Variants in LUZP1 observed in about 807,000 individuals in gnomAD.
The protein encoded by LUZP1 is leucine zipper protein 1.
In LUZP1, 25 loss-of-function variants were observed where a neutral mutation model predicts 71.3. The observed-to-expected ratio is 0.35, with a 90% confidence interval of 0.26 to 0.49. The LOEUF is 0.49. Ranked by LOEUF, LUZP1 falls within the 20% of genes least tolerant of loss-of-function variation. The pLI is 0.99. For synonymous variants in LUZP1, 481 were observed against 506.4 expected, an observed-to-expected ratio of 0.95 and a Z score of 0.67; for missense variants, 1,142 against 1,300.8, an observed-to-expected ratio of 0.88 and a Z score of 1.88.
At chr1:23,175,643 C>G (rs991307458) in intron 1 of LUZP1, among the ~76,000 whole-genome samples, 2 of 152,216 alleles carry the variant, frequency 1.3e-5, no homozygotes, top group Non-Finnish European at 2.9e-5. Context: ...CATTCCTTTA[C>G]ATTTTTATGC....
chr1:23,108,326 C>T (rs67056484), intron 3 of LUZP1, among the ~76,000 whole-genome samples: 25,887 of 152,156 alleles, frequency 0.17, 2,283 homozygotes, highest in East Asian at 0.26. Flanking sequence ...ATGAAAATAA[C>T]CCACTAGGGT....
At chr1:23,145,594 T>C (rs1193147837) in intron 2 of LUZP1, among the ~76,000 whole-genome samples, 9 of 151,738 alleles carry the variant, frequency 5.9e-5, no homozygotes, top group Admixed American at 4.6e-4. Context: ...CTCAGCCTCC[T>C]GAGTAGGTGG....
chr1:23,088,766 G>A, exon 5 of LUZP1: 1 of 1,334,234 alleles, frequency 7.5e-7, no homozygotes. Flanking sequence ...CCACAGCCCG[G>A]CTCTACCACA....
chr1:23,170,049 A>T (rs1225291771), intron 1 of LUZP1, among the ~76,000 whole-genome samples: 1 of 151,666 alleles, frequency 6.6e-6, no homozygotes, highest in Non-Finnish European at 1.5e-5. Flanking sequence ...CCCACATTTG[A>T]CCCTTTGCTG....
intron 3 of LUZP1, among the ~76,000 whole-genome samples, chr1:23,096,065 A>G (rs1330349439): frequency 1.3e-5 from 2 of 152,036 alleles, no homozygotes. Flanking sequence ...CAAAGTTACT[A>G]AGATTATTGG....
chr1:23,091,824 G>C (rs757339763), exon 4 of LUZP1: 50 of 1,613,922 alleles, frequency 3.1e-5, no homozygotes, highest in Non-Finnish European at 4.1e-5. Flanking sequence ...CTCCCTCAGG[G>C]CCTCACCCGG....
At position 23,096,090 on chromosome 1, in the gene LUZP1, A is replaced by G. The variant is rs554118821; in HGVS notation, c.-119-1710T>C. Among the ~76,000 whole-genome samples the G allele has an allele frequency of 4.0e-5, 6 of 151,892 alleles. No homozygotes were observed. In the South Asian group the frequency reaches 1.0e-3, roughly 26 times the overall value. On this transcript the variant is annotated intron_variant, in intron 3 of 4. Transcript: ENST00000302291. ...AAGATTATTGGCTAGAGACCATACA[A>G]TAAGTACATTCCAATGTTTAAAGTC...
chr1:23,098,848 G>A (rs780832322), intron 3 of LUZP1, among the ~76,000 whole-genome samples: 8 of 152,166 alleles, frequency 5.3e-5, no homozygotes, highest in Non-Finnish European at 1.0e-4. Context: ...GACGCCAAAT[G>A]CCAATTCTCT....
intron 4 of LUZP1, 103 bp downstream of exon 3, chr1:23,091,087 T>C: frequency 5.7e-6 from 7 of 1,235,522 alleles, no homozygotes; most frequent in Non-Finnish European, 7.9e-6. Context: ...TACTCAGTTC[T>C]CAAGATCCTG....
chr1:23,132,111 T>C (rs976218813), intron 2 of LUZP1, among the ~76,000 whole-genome samples: 1 of 152,192 alleles, frequency 6.6e-6, no homozygotes, highest in African/African-American at 2.4e-5. Flanking sequence ...AATCACCAAA[T>C]AACTGCTCAA....
intron 2 of LUZP1, among the ~76,000 whole-genome samples, chr1:23,126,300 T>G (rs1277114078): frequency 6.6e-6 from 1 of 152,182 alleles, no homozygotes; most frequent in Non-Finnish European, 1.5e-5. Context: ...ACACACTATG[T>G]TGGCTCCTAT....
chr1:23,118,402 AAAAATT>A (rs1644103656), intron 2 of LUZP1, among the ~76,000 whole-genome samples: 1 of 152,222 alleles, frequency 6.6e-6, no homozygotes, highest in South Asian at 2.1e-4. Context: ...CATCTCAAAA[AAAAATT>A]AAAATTAAAA....
chr1:23,085,316 T>A (rs962966194), exon 5 of LUZP1: 55 of 152,714 alleles, frequency 3.6e-4, no homozygotes, highest in African/African-American at 1.3e-3. Context: ...TACAAAAAAA[T>A]AGACTTTATT....
chr1:23,159,458 C>T (rs915481546), intron 2 of LUZP1, among the ~76,000 whole-genome samples: 1 of 152,192 alleles, frequency 6.6e-6, no homozygotes, highest in Non-Finnish European at 1.5e-5. Context: ...ATCTGACCCT[C>T]AACAGCTTGT....
intron 2 of LUZP1, among the ~76,000 whole-genome samples, chr1:23,163,545 T>C (rs1216040386): frequency 8.1e-6 from 1 of 123,640 alleles, no homozygotes; most frequent in Admixed American, 9.4e-5. Flanking sequence ...AAGAGTGAGA[T>C]CCCGTCTCTT....
At chr1:23,134,022 G>T (rs1029471104) in intron 2 of LUZP1, among the ~76,000 whole-genome samples, 1 of 152,202 alleles carries the variant, frequency 6.6e-6, no homozygotes, top group African/African-American at 2.4e-5. Context: ...GACTGCTCTA[G>T]ATCAGGGGTC....
Position 23,120,211 on chromosome 1 carries a change from G to A in LUZP1, c.-225-11084C>T, listed in dbSNP as rs139703934. Among the ~76,000 whole-genome samples, 151 of 151,768 alleles carry A rather than the reference G, an allele frequency of 9.9e-4. 1 individual carries two copies. In the East Asian group the frequency reaches 0.021, roughly 21 times the overall value. The stretch of plus-strand genomic sequence containing the variant: ...ACCCACCTCAGCCTCCCAAAATGCT[G>A]GAATTATAGACATGAGACACGGCAC... On this transcript the variant is annotated intron_variant, in intron 2 of 4. Coordinates refer to ENST00000302291, the Ensembl canonical transcript of LUZP1.
At chr1:23,141,781 G>A (rs2124708901) in intron 2 of LUZP1, among the ~76,000 whole-genome samples, 1 of 152,204 alleles carries the variant, frequency 6.6e-6, no homozygotes, top group Middle Eastern at 3.4e-3. Flanking sequence ...CTGGGCTCAA[G>A]CGATCCTCTC....
At position 23,093,800 on chromosome 1, in the gene LUZP1, C is replaced by G; in HGVS notation, c.462G>C (p.Glu154Asp). ...TCACTTTGACTCTGAGCATTTCCAGCTCAGAGGAGATTTTCTTGGTCAGAT... is the reference window on the plus strand; with the variant it reads ...TCACTTTGACTCTGAGCATTTCCAGGTCAGAGGAGATTTTCTTGGTCAGAT... Residue 154 changes from glutamate (E) to aspartate (D), a missense_variant, in exon 4 of 5, where the codon GAG (glutamate) becomes GAC (aspartate). Coordinates refer to ENST00000302291, the Ensembl canonical transcript of LUZP1. The surrounding 1 kb of genome is among the most constrained non-coding windows in gnomAD (Gnocchi z 4.2). 1 of 1,614,050 alleles carries G rather than the reference C, an allele frequency of 6.2e-7. No homozygotes were observed. Among genetic ancestry groups the G allele is most frequent in the Non-Finnish European group, 8.5e-7 (1 of 1,180,010 alleles).
Sources: gnomAD v4.1 joint callset for allele counts (sites outside exome capture counted in the v4.1 genomes callset) on GRCh38, gnomAD v4.1.1 for gene constraint, Gnocchi (gnomAD v3.1) non-coding constraint, MANE v1.5 for transcripts, NCBI Gene and HGNC (gene_info 2026-07-23, HGNC 2026-07-21) for gene names.